Variants in GCLM observed in about 807,000 individuals in gnomAD.
The protein encoded by GCLM is glutamate-cysteine ligase modifier subunit, also known as glutamate--cysteine ligase regulatory subunit.
In GCLM, 15 loss-of-function variants were observed where a neutral mutation model predicts 36.0. The observed-to-expected ratio is 0.42, with a 90% CI of 0.28 to 0.64. GCLM has a LOEUF of 0.64. Ranked by LOEUF, GCLM falls within the 30% of genes least tolerant of loss-of-function variation. The pLI is 0.25. For synonymous variants in GCLM, 129 were observed against 122.8 expected (o/e 1.05, Z -0.34); for missense variants, 242 against 325.5 (o/e 0.74, Z 1.97).
intron 5 of GCLM, among the ~76,000 whole-genome samples, chr1:93,895,836 G>A (rs1321244187): frequency 6.6e-6 from 1 of 151,964 alleles, no homozygotes; most frequent in Non-Finnish European, 1.5e-5. Context: ...ATATCAAGTT[G>A]TATGAACTGA....
chr1:93,890,813 C>CT (rs1196748438), intron 6 of GCLM, among the ~76,000 whole-genome samples: 2 of 151,982 alleles, frequency 1.3e-5, no homozygotes, highest in African/African-American at 4.8e-5. Context: ...AAAGGCTATA[C>CT]TTTACACTTC....
chr1:93,907,510 TCTTA>T (rs1657186829), intron 1 of GCLM, among the ~76,000 whole-genome samples: 1 of 152,216 alleles, frequency 6.6e-6, no homozygotes, highest in African/African-American at 2.4e-5. Flanking sequence ...AAAATGTACT[TCTTA>T]CTGTGTTTGC....
chr1:93,909,325 G>A lies in GCLM; in HGVS notation c.-162C>T, dbSNP rs868831657. The A allele has an allele frequency of 1.9e-6, 2 of 1,036,040 alleles. No homozygotes were observed. Among genetic ancestry groups the A allele is most frequent in the South Asian group, 4.6e-5 (1 of 21,890 alleles). 64.2% of individuals were successfully genotyped at this position (1,036,040 alleles called of 1,614,324 possible). ...TGGAGCCTGGTCTGCGCTCGGGCCC[G>A]AGGGAGGCCGGACGGCGGCTGGGCG... On this transcript the variant is annotated 5_prime_UTR_variant, in exon 1 of 7. Transcript: ENST00000370238.
At chr1:93,897,214 C>CGATAGG (rs1656763673) in intron 4 of GCLM, among the ~76,000 whole-genome samples, 2 of 152,180 alleles carry the variant, frequency 1.3e-5, no homozygotes, top group Non-Finnish European at 2.9e-5. Context: ...TATGGATGAT[C>CGATAGG]ACAAGAATTA....
chr1:93,889,243 CA>C (rs948726538), intron 6 of GCLM, 84 bp from the exon 7 acceptor site: 9 of 850,746 alleles, frequency 1.1e-5, no homozygotes, highest in Admixed American at 3.7e-5. Context: ...AAGCATTTAA[CA>C]TAACAAAAGA....
chr1:93,888,937 C>A lies in GCLM; in HGVS notation c.*53G>T. 7.9e-7 allele frequency: 1 copy of A among 1,262,310 alleles called. No individual in the cohort carries two copies. The highest frequency in any genetic ancestry group is 1.5e-5 in the South Asian group (1 of 65,388). 78.2% of individuals were successfully genotyped at this position (1,262,310 alleles called of 1,614,324 possible). A position where few individuals can be genotyped will look rare whatever the true frequency, so the allele number is the denominator to read the frequency against. ...GCAGTAACTAGATTTTTACACATCT[C>A]AATTTTCTCTCATATTGAAGGAAAT... is the stretch of plus-strand genomic sequence containing the variant. On this transcript the variant is annotated 3_prime_UTR_variant, in exon 7 of 7. Coordinates refer to ENST00000370238, the MANE Select transcript of GCLM (RefSeq NM_002061.4).
rs575113853 is a variant in GCLM at position 93,886,595 on chromosome 1, T to C, written c.*2395A>G. On this transcript the variant is annotated 3_prime_UTR_variant, in exon 7 of 7. Coordinates refer to ENST00000370238, the MANE Select transcript of GCLM (RefSeq NM_002061.4). Reference sequence around the variant, plus strand: ...TGATCCCCTTCAGAAAATGAATCTATAGTCTTGCTTCTTTGTCAAGAGTTG... The same window carrying C: ...TGATCCCCTTCAGAAAATGAATCTACAGTCTTGCTTCTTTGTCAAGAGTTG... The C allele has an allele frequency of 6.6e-6, 1 of 152,280 alleles. No individual in the cohort carries two copies. The highest frequency in any genetic ancestry group is 1.5e-5 in the Non-Finnish European group (1 of 68,006). The allele number at this position is 152,280 out of a possible 1,614,324, so 9.4% of individuals were successfully genotyped here. A position where few individuals can be genotyped will look rare whatever the true frequency, so the allele number is the denominator to read the frequency against.
chr1:93,904,508 T>C lies in GCLM; in HGVS notation c.192+15A>G. On this transcript the variant is annotated intron_variant, in intron 2 of 6. Transcript: ENST00000370238. ...TTTTTGACCTGCATGATTTTTGCATTCACATTTCACTTACCCTGACCAAAT... is the reference window on the plus strand; with the variant it reads ...TTTTTGACCTGCATGATTTTTGCATCCACATTTCACTTACCCTGACCAAAT... 6.4e-7 allele frequency: 1 copy of C among 1,550,878 alleles called. No homozygotes were observed. Among genetic ancestry groups the C allele is most frequent in the Non-Finnish European group, 8.9e-7 (1 of 1,122,846 alleles).
intron 5 of GCLM, among the ~76,000 whole-genome samples, chr1:93,895,074 G>A (rs1656680710): frequency 6.6e-6 from 1 of 150,484 alleles, no homozygotes; most frequent in Non-Finnish European, 1.5e-5. Flanking sequence ...GAGTACAGTG[G>A]CGTGATCTTG....
chr1:93,909,249 A>T lies in GCLM; in HGVS notation c.-86T>A, dbSNP rs1458379015. On this transcript the variant is annotated 5_prime_UTR_variant, in exon 1 of 7. Transcript: ENST00000370238. ...GCCGCCCCACAGGACGCGGTGCCCGAGGCCCGAGAGAGACCCGAGAGGGAG... is the reference window on the plus strand; with the variant it reads ...GCCGCCCCACAGGACGCGGTGCCCGTGGCCCGAGAGAGACCCGAGAGGGAG... 1 of 1,092,504 alleles carries T rather than the reference A, an allele frequency of 9.2e-7. No individual in the cohort carries two copies. The highest frequency in any genetic ancestry group is 1.1e-6 in the Non-Finnish European group (1 of 901,554). The allele number at this position is 1,092,504 out of a possible 1,614,324, so 67.7% of individuals were successfully genotyped here. A position where few individuals can be genotyped will look rare whatever the true frequency, so the allele number is the denominator to read the frequency against.
intron 6 of GCLM, among the ~76,000 whole-genome samples, chr1:93,891,731 G>A (rs1263635475): frequency 6.6e-6 from 1 of 152,146 alleles, no homozygotes; most frequent in African/African-American, 2.4e-5. Context: ...GGGATTAAGT[G>A]AGCATCTTCA....
At chr1:93,904,944 G>T (rs1271042658) in intron 1 of GCLM, among the ~76,000 whole-genome samples, 3 of 151,974 alleles carry the variant, frequency 2.0e-5, no homozygotes, top group African/African-American at 4.8e-5. Context: ...GAGGCTGAGG[G>T]GGGCAAATCA....
chr1:93,890,860 A>G (rs1557726003), intron 6 of GCLM, among the ~76,000 whole-genome samples: 1 of 151,294 alleles, frequency 6.6e-6, no homozygotes, highest in East Asian at 1.9e-4. Context: ...CCGCAGTGCC[A>G]ATTCTTTTTT....
intron 2 of GCLM, among the ~76,000 whole-genome samples, chr1:93,903,277 GC>G (rs1342751736): frequency 1.3e-5 from 2 of 151,350 alleles, no homozygotes; most frequent in Admixed American, 1.3e-4. Flanking sequence ...ATAATCACAA[GC>G]ATTTTATTCT....
At chr1:93,889,419 G>GT (rs1488160602) in intron 6 of GCLM, among the ~76,000 whole-genome samples, 2 of 151,952 alleles carry the variant, frequency 1.3e-5, no homozygotes, top group Admixed American at 6.6e-5. Flanking sequence ...GACATCTGCA[G>GT]TTTTTTAAAG....
At chr1:93,906,246 A>C (rs1657143641) in intron 1 of GCLM, among the ~76,000 whole-genome samples, 1 of 152,228 alleles carries the variant, frequency 6.6e-6, no homozygotes, top group Non-Finnish European at 1.5e-5. Context: ...CTAGATCTTT[A>C]TGTAAAGCAT....
chr1:93,902,242 A>G (rs1213450520), intron 2 of GCLM, among the ~76,000 whole-genome samples: 1 of 147,254 alleles, frequency 6.8e-6, no homozygotes, highest in Non-Finnish European at 1.5e-5. Flanking sequence ...CAGTGGCACG[A>G]TCTCGGCTCA....
In GCLM at chr1:93,894,709, T is replaced by C; in HGVS notation, c.560A>G (p.Gln187Arg). 4 of 1,604,004 alleles carry C rather than the reference T, an allele frequency of 2.5e-6. No individual in the cohort carries two copies. Among genetic ancestry groups the C allele is most frequent in the Non-Finnish European group, 3.4e-6 (4 of 1,170,922 alleles). ...QWAQVKPNSN[Q>R]VNLASCCVMP... Reference sequence around the variant, plus strand: ...CACACAGCAGGAGGCAAGATTAACTTGGTTACTATTTGGTTTTACCTAGAA... The same window carrying C: ...CACACAGCAGGAGGCAAGATTAACTCGGTTACTATTTGGTTTTACCTAGAA... The change falls in exon 6 of 7, where the codon CAA (glutamine) becomes CGA (arginine). Residue 187 changes from glutamine (Q) to arginine (R), a missense_variant. Gln to Arg is a conservative substitution (Grantham distance 43). Transcript: ENST00000370238.
chr1:93,894,558 C>G (rs553602888), intron 6 of GCLM, 56 bp downstream of exon 6: 13 of 938,606 alleles, frequency 1.4e-5, no homozygotes, highest in Admixed American at 3.7e-5. Context: ...CAACAAATAC[C>G]TTTTTGTAAG....
Sources: allele counts gnomAD v4.1 joint callset (sites outside exome capture counted in the v4.1 genomes callset), GRCh38; gene constraint gnomAD v4.1.1; transcripts MANE v1.5; gene names NCBI Gene and HGNC (gene_info 2026-07-23, HGNC 2026-07-21).